Variants in ZNF704 observed in about 807,000 individuals in gnomAD.
ZNF704 encodes the protein zinc finger protein 704, also known as glucocorticoid induced gene 1.
In ZNF704, 10 loss-of-function variants were observed where a neutral mutation model predicts 44.7. The observed-to-expected ratio is 0.22, with a 90% CI of 0.14 to 0.38. ZNF704 has a LOEUF of 0.38. ZNF704 is among the 10% of genes least tolerant of loss of function. The probability of loss-of-function intolerance (pLI) is 1.00; values close to 1 mark genes in which losing one functional copy is unlikely to be tolerated. For missense variants in ZNF704, 390 were observed against 545.5 expected, an observed-to-expected ratio of 0.71 and a Z score of 2.84; for synonymous variants, 211 against 207.6, an observed-to-expected ratio of 1.02 and a Z score of -0.14.
chr8:80,641,539 G>A, intron 8 of ZNF704, 62 bp from the exon 9 acceptor site: 2 of 1,026,014 alleles, frequency 1.9e-6, no homozygotes. Flanking sequence ...TCTATGGAGA[G>A]CTCAAAAATC....
intron 2 of ZNF704, among the ~76,000 whole-genome samples, chr8:80,783,657 T>C (rs1807566554): frequency 6.6e-6 from 1 of 152,128 alleles, no homozygotes; most frequent in African/African-American, 2.4e-5. Context: ...AGTTCCCATG[T>C]TCCCCCTTCC....
intron 5 of ZNF704, among the ~76,000 whole-genome samples, chr8:80,665,324 G>A (rs1163038004): frequency 6.6e-6 from 1 of 152,092 alleles, no homozygotes; most frequent in Non-Finnish European, 1.5e-5. Context: ...ACGATTTATT[G>A]AGAATCTAAT....
chr8:80,702,786 G>A (rs1045329017), intron 2 of ZNF704, among the ~76,000 whole-genome samples: 2 of 152,106 alleles, frequency 1.3e-5, no homozygotes, highest in Non-Finnish European at 1.5e-5. Flanking sequence ...AGGTATGGCC[G>A]TGGGAGTAGA....
chr8:80,736,632 T>C (rs1806670953), intron 2 of ZNF704, among the ~76,000 whole-genome samples: 1 of 152,072 alleles, frequency 6.6e-6, no homozygotes, highest in Non-Finnish European at 1.5e-5. Context: ...TAAAAAAAAT[T>C]GGTGCCTGGC....
chr8:80,790,493 C>T (rs1259460683), intron 2 of ZNF704, among the ~76,000 whole-genome samples: 1 of 152,174 alleles, frequency 6.6e-6, no homozygotes, highest in African/African-American at 2.4e-5. Flanking sequence ...AATACACACA[C>T]ACATACATGA....
At chr8:80,847,059 G>A (rs1360435980) in intron 1 of ZNF704, among the ~76,000 whole-genome samples, 2 of 152,118 alleles carry the variant, frequency 1.3e-5, no homozygotes, top group Non-Finnish European at 2.9e-5. Context: ...TGTAATCCCA[G>A]CTACTCGGGT....
At chr8:80,858,308 G>A (rs190844190) in intron 1 of ZNF704, among the ~76,000 whole-genome samples, 40 of 152,228 alleles carry the variant, frequency 2.6e-4, no homozygotes, top group African/African-American at 9.1e-4. Flanking sequence ...ACTGATTAAA[G>A]GCTATACATT....
chr8:80,790,138 C>T (rs533721858), intron 2 of ZNF704, among the ~76,000 whole-genome samples: 1 of 152,070 alleles, frequency 6.6e-6, no homozygotes. Context: ...TCAGTATCCT[C>T]CGGGTTAGGG....
chr8:80,766,094 T>C (rs1334244313), intron 2 of ZNF704, among the ~76,000 whole-genome samples: 6 of 152,220 alleles, frequency 3.9e-5, no homozygotes, highest in Non-Finnish European at 7.3e-5. Flanking sequence ...TTCTAGAATA[T>C]GCTACTTCTT....
chr8:80,771,047 T>C (rs754451410), intron 2 of ZNF704, among the ~76,000 whole-genome samples: 2 of 152,232 alleles, frequency 1.3e-5, no homozygotes, highest in Non-Finnish European at 1.5e-5. Context: ...TGTCTGTTTC[T>C]GAATTCTTTA....
At chr8:80,790,803 C>T (rs912608401) in intron 2 of ZNF704, among the ~76,000 whole-genome samples, 1 of 151,724 alleles carries the variant, frequency 6.6e-6, no homozygotes, top group Admixed American at 6.6e-5. Flanking sequence ...TGCTCTGGGA[C>T]ATCAATAAAA....
intron 1 of ZNF704, among the ~76,000 whole-genome samples, chr8:80,847,041 C>T (rs1421847580): frequency 1.3e-5 from 2 of 151,980 alleles, no homozygotes; most frequent in African/African-American, 2.4e-5. Flanking sequence ...GGTGTGGTGA[C>T]GCATGTCTGT....
chr8:80,844,950 TA>T (rs1212513198), intron 1 of ZNF704, among the ~76,000 whole-genome samples: 2 of 151,912 alleles, frequency 1.3e-5, no homozygotes, highest in Non-Finnish European at 2.9e-5. Context: ...AAAGTGCTGG[TA>T]TTACAGGCAT....
chr8:80,658,533 A>G (rs1306928677), intron 7 of ZNF704: 1 of 152,240 alleles, frequency 6.6e-6, no homozygotes, highest in Non-Finnish European at 1.5e-5. Flanking sequence ...CAGAGCTACC[A>G]GAAGTTACCA....
At chr8:80,748,453 T>C (rs988826604) in intron 2 of ZNF704, among the ~76,000 whole-genome samples, 3 of 152,194 alleles carry the variant, frequency 2.0e-5, no homozygotes, top group Non-Finnish European at 4.4e-5. Context: ...CATCCAGTCC[T>C]CTCAGCTCCA....
At chr8:80,801,699 C>G (rs1180247959) in intron 2 of ZNF704, among the ~76,000 whole-genome samples, 1 of 151,938 alleles carries the variant, frequency 6.6e-6, no homozygotes, top group African/African-American at 2.4e-5. Flanking sequence ...ACTAAATGCC[C>G]ACATCAAAAA....
chr8:80,804,495 T>C (rs1323510207), intron 2 of ZNF704, among the ~76,000 whole-genome samples: 4 of 152,024 alleles, frequency 2.6e-5, no homozygotes, highest in East Asian at 1.9e-4. Context: ...TATGCAGCCA[T>C]GAAAATGAAT....
At chr8:80,713,607 C>G (rs890586125) in intron 2 of ZNF704, among the ~76,000 whole-genome samples, 1 of 152,250 alleles carries the variant, frequency 6.6e-6, no homozygotes, top group South Asian at 2.1e-4. Context: ...AGGCACCTGC[C>G]GTATGGAGGA....
chr8:80,714,985 T>C (rs935380803), intron 2 of ZNF704, among the ~76,000 whole-genome samples: 3 of 152,130 alleles, frequency 2.0e-5, no homozygotes, highest in Non-Finnish European at 2.9e-5. Flanking sequence ...ATTTCTAAGA[T>C]TAAAAAGAAT....
Sources: gnomAD v4.1 joint callset for allele counts (sites outside exome capture counted in the v4.1 genomes callset) on GRCh38, gnomAD v4.1.1 for gene constraint, MANE v1.5 for transcripts, NCBI Gene and HGNC (gene_info 2026-07-23, HGNC 2026-07-21) for gene names.